The following DST variants were observed in gnomAD, a reference collection of about 807,000 sequenced individuals.
DST encodes the protein bullous pemphigoid antigen.
Under a neutral mutation model 875.2 loss-of-function variants are expected in DST, and 253 were observed. That is an observed-to-expected ratio of 0.29 (90% CI 0.26 to 0.32). The LOEUF is 0.32. DST is among the 10% of genes least tolerant of loss of function. The probability of loss-of-function intolerance (pLI) is 1.00; values close to 1 mark genes in which losing one functional copy is unlikely to be tolerated. For missense variants in DST, 8,287 were observed against 9,111.6 expected (o/e 0.91, Z 3.68); for synonymous variants, 3,124 against 3,197.1 (o/e 0.98, Z 0.77).
At chr6:56,816,108 G>C (rs904540361) in intron 4 of DST, among the ~76,000 whole-genome samples, 1 of 151,862 alleles carries the variant, frequency 6.6e-6, no homozygotes, top group Admixed American at 6.6e-5. Flanking sequence ...GCAACTTTAG[G>C]GTAGAAAAAT....
chr6:56,504,119 C>T (rs778199115), intron 77 of DST, 21 bp from the exon 78 acceptor site: 20 of 1,537,410 alleles, frequency 1.3e-5, no homozygotes, highest in African/African-American at 4.1e-5. Context: ...CATTCGCCCA[C>T]GTGTTGTTAC....
At chr6:56,922,577 T>G (rs1804834724) in intron 2 of DST, among the ~76,000 whole-genome samples, 1 of 151,164 alleles carries the variant, frequency 6.6e-6, no homozygotes, top group Admixed American at 6.6e-5. Context: ...AGTGACCTTC[T>G]TCTTTGCTAA....
At position 56,557,471 on chromosome 6, in the gene DST, TTTG is replaced by T; in HGVS notation, c.14485_14487del (p.Gln4829del). 1 of 1,613,616 alleles carries T rather than the reference TTTG, an allele frequency of 6.2e-7. No individual in the cohort carries two copies. Reference sequence around the variant, plus strand: ...AGATTATTGGAGGATTCTTCCAGTTTTTGTTGTCTATCAATTGTTAATTGATTG... The same window carrying T: ...AGATTATTGGAGGATTCTTCCAGTTTTTGTCTATCAATTGTTAATTGATTG... On this transcript the variant is annotated inframe_deletion, in exon 59 of 104. Transcript: ENST00000680361.
intron 98 of DST, chr6:56,466,909 T>C (rs568811051): frequency 1.2e-4 from 18 of 152,328 alleles, no homozygotes; most frequent in African/African-American, 4.1e-4. Context: ...CTCATAGTTG[T>C]CTGTACCATA....
At chr6:56,704,433 A>AT (rs2099324528) in intron 5 of DST, 64 bp from the exon 6 acceptor site, 1 of 723,622 alleles carries the variant, frequency 1.4e-6, no homozygotes, top group East Asian at 3.0e-5. Flanking sequence ...ATTCTTAAAC[A>AT]TAAAAAGGAG....
chr6:56,796,352 T>C (rs754817922), intron 4 of DST, among the ~76,000 whole-genome samples: 17 of 152,164 alleles, frequency 1.1e-4, no homozygotes, highest in African/African-American at 3.4e-4. Context: ...ATCACAATAA[T>C]GTGACAAAGA....
At position 56,459,089 on chromosome 6, in the gene DST, C is replaced by T; in HGVS notation, c.23373G>A (p.Arg7791=). The T allele has an allele frequency of 6.2e-7, 1 of 1,613,980 alleles. No individual in the cohort carries two copies. Among genetic ancestry groups the T allele is most frequent in the Non-Finnish European group, 8.5e-7 (1 of 1,179,878 alleles). Residue 7791 remains arginine, a synonymous_variant, in exon 104 of 104, where the codon CGG becomes CGA. Transcript: ENST00000680361. ...TTTTTGAAGGCTTCGCTGTGGATGG[C>T]CGAGAACCTGCTCGGGGTGTAGGTC... ...THRPTPRAGS[R]PSTAKPSKIP...
chr6:56,562,877 T>TA (rs929251983), intron 55 of DST, among the ~76,000 whole-genome samples: 3 of 152,274 alleles, frequency 2.0e-5, no homozygotes, highest in Admixed American at 6.5e-5. Flanking sequence ...CTGAGAATGA[T>TA]AGTTTCCAGC....
intron 36 of DST, among the ~76,000 whole-genome samples, chr6:56,622,569 CAAAAAAAAAAAAAA>C (rs61514901): frequency 3.0e-5 from 2 of 65,744 alleles, no homozygotes; most frequent in South Asian, 1.4e-3. Flanking sequence ...AGATCCGTCT[CAAAAAAAAAAAAAA>C]AAAAAAAAAA....
At chr6:56,469,610 C>G (rs995111324) in intron 97 of DST, among the ~76,000 whole-genome samples, 1 of 151,932 alleles carries the variant, frequency 6.6e-6, no homozygotes, top group African/African-American at 2.4e-5. Context: ...ATGAAGCAAC[C>G]TAAATATATG....
intron 28 of DST, 115 bp downstream of exon 28, chr6:56,632,739 C>T: frequency 1.2e-6 from 1 of 811,520 alleles, no homozygotes; most frequent in Non-Finnish European, 2.1e-6. Flanking sequence ...ATTGTGTCTA[C>T]ATATCATAGG....
chr6:56,648,609 C>T lies in DST; in HGVS notation c.1515G>A (p.Met505Ile), dbSNP rs937007249. ...IQWIRHHVTTMSERTFPNNPV... is the reference protein window; with the variant it reads ...IQWIRHHVTTISERTFPNNPV... ...GATTATTAGGAAATGTTCTCTCAGA[C>T]ATTGTGGTCACATGGTGTCTAATCC... Residue 505 changes from methionine to isoleucine, a missense_variant, in exon 13 of 104, where the codon ATG (methionine) becomes ATA (isoleucine). Met to Ile is a conservative substitution (Grantham distance 10, BLOSUM62 1). Around this residue, in one of 10 missense-constraint regions of DST, gnomAD observed 1,160 missense variants for 1,424.3 expected, o/e 0.81. Coordinates refer to ENST00000680361, the MANE Select transcript of DST (RefSeq NM_001374736.1). 1 of 1,590,564 alleles carries T rather than the reference C, an allele frequency of 6.3e-7. No individual in the cohort carries two copies. Among genetic ancestry groups the T allele is most frequent in the Non-Finnish European group, 8.6e-7 (1 of 1,166,442 alleles).
At chr6:56,485,824 A>G (rs1191329820) in intron 87 of DST, among the ~76,000 whole-genome samples, 1 of 152,126 alleles carries the variant, frequency 6.6e-6, no homozygotes, top group East Asian at 1.9e-4. Context: ...ACTTCTATAC[A>G]TTTTAACACA....
intron 77 of DST, among the ~76,000 whole-genome samples, chr6:56,505,800 C>T (rs1295016060): frequency 6.6e-6 from 1 of 151,726 alleles, no homozygotes; most frequent in Non-Finnish European, 1.5e-5. Context: ...GAAATATACC[C>T]GAGTTGGCCT....
Position 56,617,884 on chromosome 6 carries a change from C to T in DST, c.4930-3400G>A, listed in dbSNP as rs529426138. On this transcript the variant is annotated intron_variant, in intron 36 of 103. Transcript: ENST00000680361. ...CCTGTCAGAACTACAATGAGCCAAT[C>T]ACATTCAAAATTGTTTTAAAAATTT... 55 of 967,698 alleles carry T rather than the reference C, an allele frequency of 5.7e-5. No homozygotes were observed. In the Middle Eastern group the frequency reaches 6.4e-4, roughly 11 times the overall value. 59.9% of individuals were successfully genotyped at this position (967,698 alleles called of 1,614,324 possible).
chr6:56,768,161 A>G (rs370056760), intron 4 of DST, among the ~76,000 whole-genome samples: 7 of 152,354 alleles, frequency 4.6e-5, no homozygotes, highest in African/African-American at 1.7e-4. Flanking sequence ...GTACCGAGAA[A>G]AAGTTTCTCA....
chr6:56,687,190 C>T lies in DST; in HGVS notation c.1047+12463G>A, dbSNP rs182881710. Among the ~76,000 whole-genome samples, 5 of 151,832 alleles carry T rather than the reference C, an allele frequency of 3.3e-5. 1 individual carries two copies. The highest frequency in any genetic ancestry group is 2.1e-4 in the South Asian group (1 of 4,806). ...TGATTCAGAGGTTTACATACAAAAA[C>T]GTTAACAAATGAAAATTCAATCCCT... is the stretch of plus-strand genomic sequence containing the variant. On this transcript the variant is annotated intron_variant, in intron 9 of 103. Transcript: ENST00000680361.
chr6:56,615,583 T>C lies in DST; in HGVS notation c.4930-1099A>G, dbSNP rs762150059. Reference sequence around the variant, plus strand: ...GCTCAGATACTTCTAACAGTTTAAGTCCTGTGTGGAAATCAAAATCAGCTT... The same window carrying C: ...GCTCAGATACTTCTAACAGTTTAAGCCCTGTGTGGAAATCAAAATCAGCTT... On this transcript the variant is annotated intron_variant, in intron 36 of 103. Coordinates refer to ENST00000680361, the MANE Select transcript of DST (RefSeq NM_001374736.1). The C allele has an allele frequency of 9.9e-6, 16 of 1,614,126 alleles. No individual in the cohort carries two copies. The South Asian group carries it at 1.6e-4, about 17-fold the overall frequency.
At position 56,745,761 on chromosome 6, in the gene DST, C is replaced by T. The variant is rs1391306253; in HGVS notation, c.626-10472G>A. Among the ~76,000 whole-genome samples, 4 of 152,148 alleles carry T rather than the reference C, an allele frequency of 2.6e-5. No homozygotes were observed. The East Asian group carries it at 5.8e-4, about 22-fold the overall frequency. On this transcript the variant is annotated intron_variant, in intron 4 of 103. Transcript: ENST00000680361. ...TCCTATTAATTAGTAAGAAGGACAG[C>T]TCTTCCTAAATTACAAATGATGTGA...
Sources: allele counts gnomAD v4.1 joint callset (sites outside exome capture counted in the v4.1 genomes callset), GRCh38; gene constraint gnomAD v4.1.1; regional missense constraint gnomAD v4.1.1; transcripts MANE v1.5; gene names NCBI Gene and HGNC (gene_info 2026-07-23, HGNC 2026-07-21).